The following PGAP3 variants were observed in gnomAD, a reference collection of about 807,000 sequenced individuals.
PGAP3 encodes the protein GPI-specific phospholipase A2-like PGAP3.
PGAP3 carries 31 observed loss-of-function variants against 40.3 expected under a neutral mutation model. The ratio of observed to expected loss-of-function variants is 0.77; its 90% CI spans 0.58 to 1.04. The LOEUF (loss-of-function observed/expected upper bound fraction) is 1.04. PGAP3 is among the 50% of genes least tolerant of loss of function. The pLI, the probability that PGAP3 is intolerant of heterozygous loss-of-function variation, is 0.00. For missense variants in PGAP3, 413 were observed against 423.0 expected, an observed-to-expected ratio of 0.98 and a Z score of 0.21; for synonymous variants, 191 against 184.5, an observed-to-expected ratio of 1.04 and a Z score of -0.29.
chr17:39,684,396 A>G (rs1429436132), intron 3 of PGAP3, among the ~76,000 whole-genome samples: 1 of 152,136 alleles, frequency 6.6e-6, no homozygotes, highest in Non-Finnish European at 1.5e-5. Flanking sequence ...AGCCTGACCT[A>G]GGGCTCTGCT....
In PGAP3 at chr17:39,674,730, G is replaced by A. The variant is rs747892132; in HGVS notation, c.433-51C>T. On this transcript the variant is annotated intron_variant, in intron 3 of 7. Coordinates refer to ENST00000300658, the MANE Select transcript of PGAP3 (RefSeq NM_033419.5). ...TGCTGCCCCCCACCCTGACCTCAAG[G>A]CAGGGACCCCCATTTGCTCACATCC... The A allele has an allele frequency of 1.4e-5, 20 of 1,479,084 alleles. No homozygotes were observed. The South Asian group carries it at 2.2e-4, about 16-fold the overall frequency. 91.6% of individuals were successfully genotyped at this position (1,479,084 alleles called of 1,614,324 possible).
At chr17:39,673,880 G>T in intron 5 of PGAP3, 113 bp downstream of exon 5, 4 of 1,331,678 alleles carry the variant, frequency 3.0e-6, no homozygotes, top group Non-Finnish European at 4.2e-6. Flanking sequence ...GTTGGGGGTT[G>T]GGGGGCGTAG....
At chr17:39,679,832 G>C (rs1195862695) in intron 3 of PGAP3, among the ~76,000 whole-genome samples, 1 of 152,140 alleles carries the variant, frequency 6.6e-6, no homozygotes, top group Non-Finnish European at 1.5e-5. Context: ...AGGTTTCCTG[G>C]AATGCTGGAA....
rs183126628 is a variant in PGAP3 at position 39,685,516 on chromosome 17, A to G, written c.279+406T>C. Among the ~76,000 whole-genome samples, 45 of 151,932 alleles carry G rather than the reference A, an allele frequency of 3.0e-4. No homozygotes were observed. The East Asian group carries it at 8.5e-3, about 29-fold the overall frequency. On this transcript the variant is annotated intron_variant, in intron 2 of 7. Transcript: ENST00000300658. ...CAAAAAAAAAAACAAAAAACAAAAA[A>G]CAAAAGAAAGAAAGGTACCAGCAAA...
Position 39,688,052 on chromosome 17 carries a change from G to C in PGAP3, c.-38C>G. ...GCTCGCCGCCGGGGGAGGAGCTTAG[G>C]AGTATGAAGCTTCCACTTCCGGAGT... is the stretch of plus-strand genomic sequence containing the variant. On this transcript the variant is annotated 5_prime_UTR_variant, in exon 1 of 8. Coordinates refer to ENST00000300658, the MANE Select transcript of PGAP3 (RefSeq NM_033419.5). 1 of 1,334,292 alleles carries C rather than the reference G, an allele frequency of 7.5e-7. No individual in the cohort carries two copies. Among genetic ancestry groups the C allele is most frequent in the South Asian group, 1.8e-5 (1 of 54,284 alleles). The allele number at this position is 1,334,292 out of a possible 1,614,324, so 82.7% of individuals were successfully genotyped here. A position where few individuals can be genotyped will look rare whatever the true frequency, so the allele number is the denominator to read the frequency against.
intron 3 of PGAP3, among the ~76,000 whole-genome samples, chr17:39,682,847 G>C (rs1284403735): frequency 6.6e-6 from 1 of 151,992 alleles, no homozygotes; most frequent in Non-Finnish European, 1.5e-5. Flanking sequence ...GGGAGGGTGA[G>C]GTGGGCGGAT....
chr17:39,674,073 G>C lies in PGAP3; in HGVS notation c.496-19C>G. 1.2e-6 allele frequency: 2 copies of C among 1,611,502 alleles called. No homozygotes were observed. The highest frequency in any genetic ancestry group is 2.7e-5 in the African/African-American group (2 of 74,976). On this transcript the variant is annotated intron_variant, in intron 4 of 7. Transcript: ENST00000300658. ...CCATTTTCTGAGGACAGGGAAGGGT[G>C]GTGAGGGACCAGCATGAGGCTTCAC...
chr17:39,678,104 A>T (rs732084), intron 3 of PGAP3, among the ~76,000 whole-genome samples: 8 of 151,626 alleles, frequency 5.3e-5, no homozygotes, highest in South Asian at 2.1e-4. Flanking sequence ...GCTTTTTCCA[A>T]GATCCCAGAG....
intron 3 of PGAP3, among the ~76,000 whole-genome samples, chr17:39,682,793 C>T (rs866487267): frequency 2.8e-4 from 42 of 152,194 alleles, no homozygotes; most frequent in Middle Eastern, 6.8e-3. Context: ...AAAATCCCTC[C>T]GTAGGCCGAG....
chr17:39,673,967 C>T (rs745766649), intron 5 of PGAP3, 26 bp downstream of exon 5: 1 of 1,612,582 alleles, frequency 6.2e-7, no homozygotes, highest in Non-Finnish European at 8.5e-7. Flanking sequence ...TCGATTTTGC[C>T]CCTGCAGCCA....
At chr17:39,680,619 A>T in intron 3 of PGAP3, among the ~76,000 whole-genome samples, 1 of 152,080 alleles carries the variant, frequency 6.6e-6, no homozygotes. Flanking sequence ...CACGTGTACA[A>T]TTCAGGACAG....
At chr17:39,675,862 T>C (rs966287963) in intron 3 of PGAP3, among the ~76,000 whole-genome samples, 1 of 152,226 alleles carries the variant, frequency 6.6e-6, no homozygotes, top group African/African-American at 2.4e-5. Context: ...CTGTCTGGCC[T>C]GGGCTCTGGG....
intron 3 of PGAP3, among the ~76,000 whole-genome samples, chr17:39,678,328 T>C (rs2057400280): frequency 6.6e-6 from 1 of 152,202 alleles, no homozygotes; most frequent in African/African-American, 2.4e-5. Flanking sequence ...TCTCTACACC[T>C]GAGGACCTTT....
Position 39,683,904 on chromosome 17 carries a change from C to T in PGAP3, c.432+693G>A, listed in dbSNP as rs540457035. ...CTTTGGGAGGCCGAGGTGGGTGGAT[C>T]ACCTGAGGTTGGGAGTTCGAGACCA... On this transcript the variant is annotated intron_variant, in intron 3 of 7. Transcript: ENST00000300658. Among the ~76,000 whole-genome samples, 106 of 152,156 alleles carry T rather than the reference C, an allele frequency of 7.0e-4. 2 individuals are homozygous for T. Among genetic ancestry groups the T allele is most frequent in the African/African-American group, 2.5e-3 (104 of 41,482 alleles).
At chr17:39,678,543 T>G (rs1381970896) in intron 3 of PGAP3, among the ~76,000 whole-genome samples, 3 of 152,236 alleles carry the variant, frequency 2.0e-5, no homozygotes, top group Non-Finnish European at 2.9e-5. Flanking sequence ...TCATGAGTCC[T>G]GCTGGAGGGC....
chr17:39,684,840 C>T (rs1479301282), intron 2 of PGAP3, 91 bp from the exon 3 acceptor site: 2 of 1,419,628 alleles, frequency 1.4e-6, no homozygotes, highest in Non-Finnish European at 1.9e-6. Context: ...AGCAACAGGT[C>T]CTCAGCTGAG....
intron 2 of PGAP3, 83 bp from the exon 3 acceptor site, chr17:39,684,832 C>T: frequency 7.0e-7 from 1 of 1,438,326 alleles, no homozygotes; most frequent in Non-Finnish European, 9.2e-7. Context: ...CATGCTGAAG[C>T]AACAGGTCCT....
At chr17:39,684,055 T>G (rs1032328624) in intron 3 of PGAP3, among the ~76,000 whole-genome samples, 40 of 131,724 alleles carry the variant, frequency 3.0e-4, no homozygotes, top group Admixed American at 4.4e-4. Flanking sequence ...ACCCAGGAGG[T>G]GGAGGTTGCA....
intron 4 of PGAP3, 23 bp downstream of exon 4, chr17:39,674,594 G>T (rs1372208029): frequency 2.6e-6 from 4 of 1,546,352 alleles, no homozygotes; most frequent in Non-Finnish European, 8.8e-7. Context: ...CTGTGCAGGA[G>T]GGGGAGCTGG....
Sources: allele counts gnomAD v4.1 joint callset (sites outside exome capture counted in the v4.1 genomes callset), GRCh38; gene constraint gnomAD v4.1.1; transcripts MANE v1.5; gene names NCBI Gene and HGNC (gene_info 2026-07-23, HGNC 2026-07-21).